FAT3: variants seen among roughly 807,000 people sequenced by gnomAD.
FAT3 encodes FAT atypical cadherin 3, also known as protocadherin Fat 3.
Under a neutral mutation model 310.2 loss-of-function variants are expected in FAT3, and 95 were observed. That is an observed-to-expected ratio of 0.31 (90% confidence interval 0.26 to 0.36). The LOEUF (loss-of-function observed/expected upper bound fraction) is 0.36, where lower values mean the gene tolerates loss of function less well. FAT3 is among the 10% of genes least tolerant of loss of function. FAT3 has a pLI of 1.00. For synonymous variants in FAT3, 2,314 were observed against 2,192.9 expected, an observed-to-expected ratio of 1.06 and a Z score of -1.54; for missense variants, 5,408 against 5,715.6, an observed-to-expected ratio of 0.95 and a Z score of 1.74.
rs762582485 is a variant in FAT3, at chr11:92,887,002, A to G, written c.12940A>G (p.Lys4314Glu). 1.2e-6 allele frequency: 2 copies of G among 1,600,954 alleles called. No individual in the cohort carries two copies. The highest frequency in any genetic ancestry group is 1.7e-6 in the Non-Finnish European group (2 of 1,173,670). Residue 4314 changes from lysine (K) to glutamate (E), a missense_variant and splice_region_variant, in exon 25 of 28, where the codon AAA (lysine) becomes GAA (glutamate). Around this residue, in one of 5 missense-constraint regions of FAT3, gnomAD observed 649 missense variants for 666.2 expected, o/e 0.97. Transcript: ENST00000525166. ...KNGWDAGTEN[K>E]GVDDPGEVTC... ...TTTCTCTTTCACTGTCCATGAAGAC[A>G]AAGGGGTTGATGACCCGGGAGAAGT...
rs554805678 is a variant in FAT3, at chr11:92,367,893, C to T, written c.3292+12489C>T. 4.3e-4 allele frequency among the ~76,000 whole-genome samples: 65 copies of T among 152,290 alleles called. No individual in the cohort carries two copies. The South Asian group carries it at 0.013, about 30-fold the overall frequency. ...GGTTAATTGTCAAGGAATGCCTAAT[C>T]CCAGAAATGAATCCCAGTTTTGTGG... is the stretch of plus-strand genomic sequence containing the variant. On this transcript the variant is annotated intron_variant, in intron 2 of 27. Coordinates refer to ENST00000525166, the MANE Select transcript of FAT3 (RefSeq NM_001367949.2).
intron 3 of FAT3, among the ~76,000 whole-genome samples, chr11:92,682,870 G>C (rs2135862493): frequency 6.6e-6 from 1 of 152,210 alleles, no homozygotes; most frequent in East Asian, 1.9e-4. Flanking sequence ...CTGAGGTCAG[G>C]AGTTTGAGAC....
intron 3 of FAT3, among the ~76,000 whole-genome samples, chr11:92,652,733 A>C (rs1007291328): frequency 8.5e-5 from 13 of 152,198 alleles, no homozygotes; most frequent in Admixed American, 7.9e-4. Context: ...GTATGTGTGT[A>C]TCCCTGTAAT....
intron 2 of FAT3, among the ~76,000 whole-genome samples, chr11:92,442,754 C>T (rs1439260631): frequency 6.6e-6 from 1 of 152,080 alleles, no homozygotes; most frequent in South Asian, 2.1e-4. Flanking sequence ...ATCACAACCC[C>T]CAAACAGGAC....
In FAT3 at chr11:92,354,032, A is replaced by G. The variant is rs771374718; in HGVS notation, c.1920A>G (p.Thr640=). The change falls in exon 2 of 28, where the codon ACA becomes ACG. Residue 640 remains threonine (T), a synonymous_variant. Transcript: ENST00000525166. ...SGVLQLKKSL[T]NSGIKNGNFA... Reference sequence around the variant, plus strand: ...TTTTACAGCTTAAAAAATCACTGACAAATTCTGGCATTAAAAATGGCAATT... The same window carrying G: ...TTTTACAGCTTAAAAAATCACTGACGAATTCTGGCATTAAAAATGGCAATT... 1.2e-6 allele frequency: 2 copies of G among 1,613,356 alleles called. No individual in the cohort carries two copies. The highest frequency in any genetic ancestry group is 1.1e-5 in the South Asian group (1 of 91,016).
intron 1 of FAT3, among the ~76,000 whole-genome samples, chr11:92,330,614 T>C (rs140984976): frequency 5.4e-4 from 82 of 152,260 alleles, no homozygotes; most frequent in African/African-American, 1.9e-3. Flanking sequence ...ATGTTCTGAG[T>C]GTAGTTCCTT....
At chr11:92,620,871 T>C (rs1246924628) in intron 3 of FAT3, among the ~76,000 whole-genome samples, 2 of 152,182 alleles carry the variant, frequency 1.3e-5, no homozygotes, top group Non-Finnish European at 2.9e-5. Flanking sequence ...GCAGATCTGG[T>C]GTCTGGAAGG....
At position 92,517,930 on chromosome 11, in the gene FAT3, C is replaced by T. The variant is rs202165721; in HGVS notation, c.3293-6704C>T. ...TTAAAACCACAATGAGATACAGTCTCACACCAGTTAGAATGACAATCATTA... is the reference window on the plus strand; with the variant it reads ...TTAAAACCACAATGAGATACAGTCTTACACCAGTTAGAATGACAATCATTA... On this transcript the variant is annotated intron_variant, in intron 2 of 27. Coordinates refer to ENST00000525166, the MANE Select transcript of FAT3 (RefSeq NM_001367949.2). 1.6e-4 allele frequency among the ~76,000 whole-genome samples: 25 copies of T among 152,256 alleles called. No individual in the cohort carries two copies. The East Asian group carries it at 3.7e-3, about 22-fold the overall frequency.
Position 92,890,873 on chromosome 11 carries a change from C to A in FAT3, c.13530C>A (p.Ala4510=). Residue 4510 remains alanine, a synonymous_variant, in exon 28 of 28, where the codon GCC becomes GCA. Coordinates refer to ENST00000525166, the MANE Select transcript of FAT3 (RefSeq NM_001367949.2). ...AAACGGATTTGGTGGGCCCGCCTGC[C>A]AGCTGTGAATTTAGTACTTTTGCTG... ...PNETDLVGPP[A]SCEFSTFAVS... The A allele has an allele frequency of 6.2e-7, 1 of 1,613,988 alleles. No individual in the cohort carries two copies. Among genetic ancestry groups the A allele is most frequent in the Non-Finnish European group, 8.5e-7 (1 of 1,179,900 alleles).
At position 92,655,864 on chromosome 11, in the gene FAT3, G is replaced by A. The variant is rs1942563276; in HGVS notation, c.3608-41520G>A. Among the ~76,000 whole-genome samples, 2 of 152,172 alleles carry A rather than the reference G, an allele frequency of 1.3e-5. 1 individual carries two copies. Among genetic ancestry groups the A allele is most frequent in the South Asian group, 4.1e-4 (2 of 4,834 alleles). On this transcript the variant is annotated intron_variant, in intron 3 of 27. Coordinates refer to ENST00000525166, the MANE Select transcript of FAT3 (RefSeq NM_001367949.2). ...GCTTCTTGAGAGCAGATCTATGTCTGATTAGCTTTGTAACCTTGCATTGTC... is the reference window on the plus strand; with the variant it reads ...GCTTCTTGAGAGCAGATCTATGTCTAATTAGCTTTGTAACCTTGCATTGTC...
chr11:92,528,876 C>A (rs893502091), intron 3 of FAT3, among the ~76,000 whole-genome samples: 12 of 152,198 alleles, frequency 7.9e-5, no homozygotes, highest in Admixed American at 5.9e-4. Flanking sequence ...CTATTACGAT[C>A]ATCATCATCA....
intron 3 of FAT3, among the ~76,000 whole-genome samples, chr11:92,554,393 C>T (rs981220422): frequency 6.1e-5 from 8 of 130,524 alleles, no homozygotes; most frequent in African/African-American, 1.7e-4. Flanking sequence ...ACCTGGGAGG[C>T]GGAGCTTGCA....
intron 3 of FAT3, among the ~76,000 whole-genome samples, chr11:92,568,008 T>A (rs891116314): frequency 2.0e-5 from 3 of 152,020 alleles, no homozygotes; most frequent in African/African-American, 4.8e-5. Flanking sequence ...AACCTGCACA[T>A]TGTGCACATG....
intron 3 of FAT3, among the ~76,000 whole-genome samples, chr11:92,675,505 A>G (rs1943259061): frequency 6.6e-6 from 1 of 152,202 alleles, no homozygotes; most frequent in African/African-American, 2.4e-5. Context: ...GTGCAACTGC[A>G]ATGAATTGGA....
In FAT3 at chr11:92,867,206, G is replaced by T. The variant is rs769677166; in HGVS notation, c.12124G>T (p.Gly4042Trp). 10 of 1,568,064 alleles carry T rather than the reference G, an allele frequency of 6.4e-6. No individual in the cohort carries two copies. The East Asian group carries it at 6.9e-5, about 11-fold the overall frequency. The change falls in exon 22 of 28, where the codon GGG (glycine) becomes TGG (tryptophan). Residue 4042 changes from glycine to tryptophan, a missense_variant. Transcript: ENST00000525166. ...GGGCAGCTGCACTGGCCTGCCATCGGGGGGTGAGTGTGGCTACGCAGTGGG... is the reference window on the plus strand; with the variant it reads ...GGGCAGCTGCACTGGCCTGCCATCGTGGGGTGAGTGTGGCTACGCAGTGGG... Reference protein sequence around the residue: ...HGGSCTGLPSGGYQCTCLSQF... With the variant: ...HGGSCTGLPSWGYQCTCLSQF...
Position 92,266,337 on chromosome 11 carries a change from G to C in FAT3, c.-18+41163G>C, listed in dbSNP as rs560343256. On this transcript the variant is annotated intron_variant, in intron 1 of 27. Coordinates refer to ENST00000525166, the MANE Select transcript of FAT3 (RefSeq NM_001367949.2). The stretch of plus-strand genomic sequence containing the variant: ...TGTATTTTCTCTTTAGTATGGGCAG[G>C]AGCTGAGGAAGTGTCTTCAGGACCA... 3.3e-5 allele frequency among the ~76,000 whole-genome samples: 5 copies of C among 152,120 alleles called. No homozygotes were observed. The East Asian group carries it at 9.6e-4, about 29-fold the overall frequency.
chr11:92,444,603 C>T lies in FAT3; in HGVS notation c.3293-80031C>T, dbSNP rs549167715. ...AGAGTCCATCTCAGACGTAGGAGGA[C>T]ATATCCACCAAGCTCCCAAGAAGGA... On this transcript the variant is annotated intron_variant, in intron 2 of 27. Transcript: ENST00000525166. Among the ~76,000 whole-genome samples, 4 of 146,814 alleles carry T rather than the reference C, an allele frequency of 2.7e-5. No individual in the cohort carries two copies. In the East Asian group the frequency reaches 8.2e-4, roughly 30 times the overall value.
intron 3 of FAT3, among the ~76,000 whole-genome samples, chr11:92,646,973 C>T (rs1008300962): frequency 2.0e-5 from 3 of 152,112 alleles, no homozygotes; most frequent in African/African-American, 7.2e-5. Context: ...TCATACTAGG[C>T]ATAGCTTTTT....
chr11:92,329,159 A>T (rs1947841657), intron 1 of FAT3, among the ~76,000 whole-genome samples: 1 of 149,510 alleles, frequency 6.7e-6, no homozygotes, highest in South Asian at 2.1e-4. Context: ...TTTGCTAGGT[A>T]TTACATGTGG....
Sources: gnomAD v4.1 joint callset for allele counts (sites outside exome capture counted in the v4.1 genomes callset) on GRCh38, gnomAD v4.1.1 for gene constraint, gnomAD v4.1.1 regional missense constraint, MANE v1.5 for transcripts, NCBI Gene and HGNC (gene_info 2026-07-23, HGNC 2026-07-21) for gene names.